FAM171A1: variants seen among roughly 807,000 people sequenced by gnomAD.
FAM171A1 encodes protein FAM171A1.
In FAM171A1, 23 loss-of-function variants were observed where a neutral mutation model predicts 74.9. That is an observed-to-expected ratio of 0.31 (90% CI 0.22 to 0.44). FAM171A1 has a LOEUF of 0.44. Among genes scored for constraint, FAM171A1 ranks in the 20% least tolerant of loss-of-function variants. The pLI is 1.00. For missense variants in FAM171A1, 1,162 were observed against 1,159.2 expected (o/e 1.00, Z -0.03); for synonymous variants, 527 against 505.7 (o/e 1.04, Z -0.57).
At chr10:15,346,581 C>T (rs3922391) in intron 1 of FAM171A1, among the ~76,000 whole-genome samples, 66,917 of 152,004 alleles carry the variant, frequency 0.44, 14,833 homozygotes, top group Non-Finnish European at 0.49. Context: ...CCAGATGCCC[C>T]GTAGCAGAAA....
At chr10:15,295,126 G>A (rs527509389) in intron 1 of FAM171A1, among the ~76,000 whole-genome samples, 83 of 151,756 alleles carry the variant, frequency 5.5e-4, no homozygotes, top group African/African-American at 1.9e-3. Context: ...TAGTAGAGGC[G>A]GGGGTTTCAC....
chr10:15,274,435 A>C (rs1372249236), intron 3 of FAM171A1, among the ~76,000 whole-genome samples: 1 of 152,224 alleles, frequency 6.6e-6, no homozygotes, highest in Non-Finnish European at 1.5e-5. Context: ...AGGAAAAATC[A>C]ATATCGTGAA....
chr10:15,367,015 G>A (rs903022739), intron 1 of FAM171A1, among the ~76,000 whole-genome samples: 3 of 152,116 alleles, frequency 2.0e-5, no homozygotes, highest in Non-Finnish European at 2.9e-5. Flanking sequence ...TGGCTAACAC[G>A]ATGAAACCCC....
Position 15,312,240 on chromosome 10 carries a change from A to C in FAM171A1, c.98-28135T>G, listed in dbSNP as rs114998212. ...AAAGTGAGCTTGAAAGAAGAATAGG[A>C]AAGAAAATATGCTTCATAAACAAAG... On this transcript the variant is annotated intron_variant, in intron 1 of 7. Transcript: ENST00000378116. 8.4e-3 allele frequency among the ~76,000 whole-genome samples: 1,274 copies of C among 152,332 alleles called. 18 individuals carry two copies. Among genetic ancestry groups the C allele is most frequent in the African/African-American group, 0.029 (1,205 of 41,566 alleles).
intron 1 of FAM171A1, among the ~76,000 whole-genome samples, chr10:15,345,764 GGCTCTAGAAA>G (rs1417100059): frequency 3.9e-5 from 6 of 152,098 alleles, no homozygotes; most frequent in Non-Finnish European, 7.3e-5. Flanking sequence ...CAGGTTCCTG[GGCTCTAGAAA>G]GCTGAGGAGA....
intron 1 of FAM171A1, among the ~76,000 whole-genome samples, chr10:15,284,392 A>G (rs925394039): frequency 6.6e-6 from 1 of 151,020 alleles, no homozygotes; most frequent in Non-Finnish European, 1.5e-5. Flanking sequence ...ATACTTTTAA[A>G]CATTGGGCAA....
chr10:15,323,248 T>G (rs1588553633), intron 1 of FAM171A1, among the ~76,000 whole-genome samples: 3 of 151,116 alleles, frequency 2.0e-5, no homozygotes, highest in African/African-American at 7.3e-5. Context: ...AGGTCAGGAG[T>G]TCGAGACCAG....
intron 1 of FAM171A1, among the ~76,000 whole-genome samples, chr10:15,350,998 C>T (rs1486740203): frequency 6.6e-6 from 1 of 152,142 alleles, no homozygotes; most frequent in African/African-American, 2.4e-5. Flanking sequence ...AAAGTCACTG[C>T]CCTGGGAAGC....
At chr10:15,342,673 T>C (rs543384937) in intron 1 of FAM171A1, among the ~76,000 whole-genome samples, 86 of 152,358 alleles carry the variant, frequency 5.6e-4, no homozygotes, top group African/African-American at 1.9e-3. Context: ...TGCATCATTT[T>C]CACTAGCCCA....
At chr10:15,352,882 A>G (rs1035666248) in intron 1 of FAM171A1, among the ~76,000 whole-genome samples, 21 of 152,368 alleles carry the variant, frequency 1.4e-4, no homozygotes, top group Middle Eastern at 3.4e-3. Flanking sequence ...AAACGTATCC[A>G]TAAAACTATG....
intron 1 of FAM171A1, among the ~76,000 whole-genome samples, chr10:15,359,891 C>T (rs558274254): frequency 6.6e-6 from 1 of 152,262 alleles, no homozygotes; most frequent in East Asian, 1.9e-4. Flanking sequence ...CCTGAATTGG[C>T]AAGGAACTGA....
intron 1 of FAM171A1, among the ~76,000 whole-genome samples, chr10:15,307,625 A>G (rs181153082): frequency 3.3e-4 from 46 of 141,028 alleles, no homozygotes; most frequent in African/African-American, 1.1e-3. Context: ...CAGCCTGGGC[A>G]ACAAGAGTGA....
At chr10:15,344,626 T>C (rs779871669) in intron 1 of FAM171A1, among the ~76,000 whole-genome samples, 1 of 152,176 alleles carries the variant, frequency 6.6e-6, no homozygotes, top group Non-Finnish European at 1.5e-5. Flanking sequence ...TCATGCAAAA[T>C]TTGGAATATC....
At chr10:15,310,111 T>C (rs192929642) in intron 1 of FAM171A1, among the ~76,000 whole-genome samples, 231 of 152,318 alleles carry the variant, frequency 1.5e-3, no homozygotes, top group Non-Finnish European at 2.5e-3. Flanking sequence ...AAACCAAATA[T>C]ATAAAAGAAT....
intron 1 of FAM171A1, among the ~76,000 whole-genome samples, chr10:15,331,600 A>C (rs563614857): frequency 1.3e-5 from 2 of 151,840 alleles, no homozygotes; most frequent in East Asian, 1.9e-4. Context: ...TAGCTCTAGA[A>C]ATACTCTTTC....
intron 1 of FAM171A1, among the ~76,000 whole-genome samples, chr10:15,288,813 CTTTTTTTTTTT>C (rs71505064): frequency 9.5e-5 from 7 of 73,688 alleles, no homozygotes; most frequent in Admixed American, 4.0e-4. Flanking sequence ...TTCGGTAATT[CTTTTTTTTTTT>C]TTTTTTTTTT....
chr10:15,236,178 C>G (rs1185831316), intron 5 of FAM171A1, among the ~76,000 whole-genome samples: 2 of 151,802 alleles, frequency 1.3e-5, no homozygotes, highest in African/African-American at 4.8e-5. Flanking sequence ...ACCAATCAGA[C>G]TGGATGGCAG....
chr10:15,355,273 A>G (rs998521615), intron 1 of FAM171A1, among the ~76,000 whole-genome samples: 7 of 152,142 alleles, frequency 4.6e-5, no homozygotes, highest in South Asian at 2.1e-4. Flanking sequence ...CGGGGTCTCA[A>G]TATGTTGCCC....
At chr10:15,272,163 T>C (rs1416104782) in intron 3 of FAM171A1, among the ~76,000 whole-genome samples, 2 of 152,002 alleles carry the variant, frequency 1.3e-5, no homozygotes, top group Non-Finnish European at 2.9e-5. Flanking sequence ...GAGACACACA[T>C]AGGCTCAAAA....
Sources: allele counts gnomAD v4.1 joint callset (sites outside exome capture counted in the v4.1 genomes callset), GRCh38; gene constraint gnomAD v4.1.1; transcripts MANE v1.5; gene names NCBI Gene and HGNC (gene_info 2026-07-23, HGNC 2026-07-21).